PSMF1: variants seen among roughly 807,000 people sequenced by gnomAD.
PSMF1 encodes proteasome inhibitor subunit 1.
In PSMF1, 30 loss-of-function variants were observed where a neutral mutation model predicts 29.3. That is an observed-to-expected ratio of 1.02 (90% confidence interval 0.77 to 1.39). The LOEUF is 1.39. Ranked by LOEUF, PSMF1 falls within the 40% of genes most tolerant of loss-of-function variation. The pLI is 0.00. For missense variants in PSMF1, 344 were observed against 357.5 expected (o/e 0.96, Z 0.31); for synonymous variants, 134 against 139.7 (o/e 0.96, Z 0.29).
intron 4 of PSMF1, among the ~76,000 whole-genome samples, chr20:1,151,275 C>A (rs2086527255): frequency 6.6e-6 from 1 of 152,176 alleles, no homozygotes; most frequent in Non-Finnish European, 1.5e-5. Context: ...TTGGTAAGGG[C>A]TATCCCCATT....
chr20:1,145,414 T>C (rs1458604475), intron 4 of PSMF1, among the ~76,000 whole-genome samples: 1 of 152,104 alleles, frequency 6.6e-6, no homozygotes, highest in African/African-American at 2.4e-5. Flanking sequence ...ATCTGAGCCT[T>C]ACCTGAAGGC....
At chr20:1,117,761 G>A (rs1158675844), upstream of PSMF1, 3 of 152,278 alleles carry the variant, frequency 2.0e-5, no homozygotes, top group Non-Finnish European at 4.4e-5. Flanking sequence ...AGTGAAAGAT[G>A]ACAGGAGCTT....
At chr20:1,152,571 TA>T (rs967955195) in intron 4 of PSMF1, among the ~76,000 whole-genome samples, 1 of 152,222 alleles carries the variant, frequency 6.6e-6, no homozygotes, top group Non-Finnish European at 1.5e-5. Flanking sequence ...GGACAGGTTT[TA>T]CAAGGGAGGG....
Position 1,118,656 on chromosome 20 carries a change from A to AT in PSMF1, c.-118_-117insT. 1 of 1,294,016 alleles carries AT rather than the reference A, an allele frequency of 7.7e-7. No individual in the cohort carries two copies. Among genetic ancestry groups the AT allele is most frequent in the African/African-American group, 1.5e-5 (1 of 66,862 alleles). 80.2% of individuals were successfully genotyped at this position (1,294,016 alleles called of 1,614,324 possible). The stretch of plus-strand genomic sequence containing the variant: ...GTCTCCATTTTGGTCTCAGGTGTGG[A>AT]CTCGGCAAGAACCAGCGCAAGAGGG... On this transcript the variant is annotated 5_prime_UTR_variant, in exon 1 of 7. Transcript: ENST00000335877.
Position 1,170,385 on chromosome 20 carries a change from G to A in PSMF1, c.*5305G>A, listed in dbSNP as rs6040275. The stretch of plus-strand genomic sequence containing the variant: ...TTAATGCATGCATGAACTCTGATTC[G>A]AAGTTTTCGTTGATTTTACCCCCAG... On this transcript the variant is annotated 3_prime_UTR_variant, in exon 7 of 7. Coordinates refer to ENST00000335877, the MANE Select transcript of PSMF1 (RefSeq NM_006814.5). Among the ~76,000 whole-genome samples the A allele has an allele frequency of 0.096, 14,655 of 152,090 alleles. 1,048 individuals are homozygous for A. The highest frequency in any genetic ancestry group is 0.2 in the African/African-American group (8,284 of 41,436).
intron 4 of PSMF1, among the ~76,000 whole-genome samples, chr20:1,135,554 C>T (rs183086606): frequency 1.3e-5 from 2 of 152,326 alleles, no homozygotes; most frequent in East Asian, 3.9e-4. Flanking sequence ...CCACACAGAG[C>T]CCCTGAGTCT....
chr20:1,126,425 C>G (rs145389713), intron 2 of PSMF1, among the ~76,000 whole-genome samples: 184 of 152,142 alleles, frequency 1.2e-3, no homozygotes, highest in African/African-American at 4.1e-3. Context: ...ATAGATATAC[C>G]TTATTTGTTT....
chr20:1,134,858 C>G (rs1342373823), intron 3 of PSMF1: 1 of 540,042 alleles, frequency 1.9e-6, no homozygotes, highest in Non-Finnish European at 3.4e-6. Context: ...CCCCTACACC[C>G]TCACCTCTTT....
upstream of PSMF1, among the ~76,000 whole-genome samples, chr20:1,115,694 A>G (rs949222103): frequency 1.3e-5 from 2 of 151,414 alleles, no homozygotes; most frequent in African/African-American, 4.9e-5. Flanking sequence ...GCCTTTGCAC[A>G]TACTGTTTCC....
intron 2 of PSMF1, chr20:1,125,980 T>G (rs1039360673): frequency 1.5e-5 from 7 of 478,066 alleles, no homozygotes; most frequent in Non-Finnish European, 2.9e-5. Context: ...TTGAATTCTT[T>G]GCTGCCTTGG....
intron 1 of PSMF1, among the ~76,000 whole-genome samples, chr20:1,122,295 C>CT (rs144183769): frequency 6.2e-4 from 82 of 131,630 alleles, no homozygotes; most frequent in Admixed American, 2.9e-3. Context: ...TTTTTCTTTT[C>CT]TTTTTTTTTT....
rs1399942199 is a variant in PSMF1 at position 1,170,585 on chromosome 20, G to GGGTCAAGCAGGAGTCTCAGACTC, written c.*5506_*5528dup. On this transcript the variant is annotated 3_prime_UTR_variant, in exon 7 of 7. Transcript: ENST00000335877. ...TTGGGAAGGTCCAGTAATTTGCTCAGGGTCAAGCAGGAGTCTCAGACTCAG... is the reference window on the plus strand; with the variant it reads ...TTGGGAAGGTCCAGTAATTTGCTCAGGGTCAAGCAGGAGTCTCAGACTCGGTCAAGCAGGAGTCTCAGACTCAG... Among the ~76,000 whole-genome samples, 100 of 152,240 alleles carry GGGTCAAGCAGGAGTCTCAGACTC rather than the reference G, an allele frequency of 6.6e-4. No individual in the cohort carries two copies. The highest frequency in any genetic ancestry group is 3.4e-3 in the Middle Eastern group (1 of 294).
rs1874624575 is a variant in PSMF1, at chr20:1,168,528, G to A, written c.*3448G>A. The A allele has an allele frequency of 6.6e-6, 1 of 152,318 alleles. No homozygotes were observed. The highest frequency in any genetic ancestry group is 1.5e-5 in the Non-Finnish European group (1 of 68,048). The allele number at this position is 152,318 out of a possible 1,614,324, so 9.4% of individuals were successfully genotyped here. On this transcript the variant is annotated 3_prime_UTR_variant, in exon 7 of 7. Coordinates refer to ENST00000335877, the MANE Select transcript of PSMF1 (RefSeq NM_006814.5). ...ACTGCATTCATCTCCTCAGTCATAA[G>A]TGTCTGTCAACCTCCGTTGTGAAGT...
chr20:1,137,201 C>T (rs958019100), intron 4 of PSMF1, among the ~76,000 whole-genome samples: 1 of 151,924 alleles, frequency 6.6e-6, no homozygotes, highest in Non-Finnish European at 1.5e-5. Flanking sequence ...GAATCATAGA[C>T]GTAGAGTATA....
intron 4 of PSMF1, among the ~76,000 whole-genome samples, chr20:1,154,876 T>C (rs1239626477): frequency 1.3e-5 from 2 of 152,268 alleles, no homozygotes; most frequent in Non-Finnish European, 2.9e-5. Context: ...GCAGACAGTG[T>C]TCACACCCAG....
Position 1,166,484 on chromosome 20 carries a change from C to G in PSMF1, c.*1404C>G, listed in dbSNP as rs1194004698. 1.7e-6 allele frequency: 1 copy of G among 581,188 alleles called. No individual in the cohort carries two copies. Among genetic ancestry groups the G allele is most frequent in the Admixed American group, 2.9e-5 (1 of 34,514 alleles). 36.0% of individuals were successfully genotyped at this position (581,188 alleles called of 1,614,324 possible). ...TCTGCCAGGCTGTTTTCTGTAGCCT[C>G]AGATTGCCTATCTGCTTAGCCTGAG... On this transcript the variant is annotated 3_prime_UTR_variant, in exon 7 of 7. Transcript: ENST00000335877.
intron 4 of PSMF1, among the ~76,000 whole-genome samples, chr20:1,136,362 G>T (rs1266919568): frequency 6.6e-6 from 1 of 152,214 alleles, no homozygotes; most frequent in Non-Finnish European, 1.5e-5. Flanking sequence ...AAACAGATGT[G>T]ATCTAACCAC....
At position 1,166,054 on chromosome 20, in the gene PSMF1, A is replaced by G. The variant is rs2086725729; in HGVS notation, c.*974A>G. 1 of 1,482,418 alleles carries G rather than the reference A, an allele frequency of 6.7e-7. No individual in the cohort carries two copies. Among genetic ancestry groups the G allele is most frequent in the African/African-American group, 1.4e-5 (1 of 71,278 alleles). The allele number at this position is 1,482,418 out of a possible 1,614,324, so 91.8% of individuals were successfully genotyped here. A position where few individuals can be genotyped will look rare whatever the true frequency, so the allele number is the denominator to read the frequency against. The stretch of plus-strand genomic sequence containing the variant: ...ATGGTTCAAGGCCATACTTCCCTTG[A>G]ACCTTGTGTGGTTCTTGCCTAACTC... On this transcript the variant is annotated 3_prime_UTR_variant, in exon 7 of 7. Coordinates refer to ENST00000335877, the MANE Select transcript of PSMF1 (RefSeq NM_006814.5).
chr20:1,166,979 T>C lies in PSMF1; in HGVS notation c.*1899T>C, dbSNP rs569455647. 6.6e-6 allele frequency: 1 copy of C among 152,352 alleles called. No individual in the cohort carries two copies. The highest frequency in any genetic ancestry group is 2.4e-5 in the African/African-American group (1 of 41,588). 9.4% of individuals were successfully genotyped at this position (152,352 alleles called of 1,614,324 possible). On this transcript the variant is annotated 3_prime_UTR_variant, in exon 7 of 7. Coordinates refer to ENST00000335877, the MANE Select transcript of PSMF1 (RefSeq NM_006814.5). ...AAAATTTAAACAATAAATTTGCCAC[T>C]TAGATTTTCTAGCAGCAAAGTCCGA... is the stretch of plus-strand genomic sequence containing the variant.
Sources: gnomAD v4.1 joint callset for allele counts (sites outside exome capture counted in the v4.1 genomes callset) on GRCh38, gnomAD v4.1.1 for gene constraint, MANE v1.5 for transcripts, NCBI Gene and HGNC (gene_info 2026-07-23, HGNC 2026-07-21) for gene names.